Variants in NRCAM observed in about 807,000 individuals in gnomAD.
NRCAM encodes NgCAM-related cell adhesion molecule.
In NRCAM, 83 loss-of-function variants were observed where a neutral mutation model predicts 156.5. The ratio of observed to expected loss-of-function variants is 0.53; its 90% CI spans 0.44 to 0.64. NRCAM has a LOEUF of 0.64. Among genes scored for constraint, NRCAM ranks in the 30% least tolerant of loss-of-function variants. NRCAM has a pLI of 0.00. For missense variants in NRCAM, 1,417 were observed against 1,597.3 expected (o/e 0.89, Z 1.92); for synonymous variants, 538 against 563.9 (o/e 0.95, Z 0.65).
intron 2 of NRCAM, among the ~76,000 whole-genome samples, chr7:108,331,158 G>C (rs547707952): frequency 2.6e-5 from 4 of 152,174 alleles, no homozygotes; most frequent in African/African-American, 9.6e-5. Flanking sequence ...CAATACTTTG[G>C]GAGGCCGAGG....
At chr7:108,358,144 A>G (rs955347627) in intron 2 of NRCAM, among the ~76,000 whole-genome samples, 1 of 151,490 alleles carries the variant, frequency 6.6e-6, no homozygotes, top group Admixed American at 6.6e-5. Flanking sequence ...CTGGCGGCTC[A>G]CACCTGTATT....
At chr7:108,322,502 T>C (rs768273356) in intron 2 of NRCAM, among the ~76,000 whole-genome samples, 1 of 152,254 alleles carries the variant, frequency 6.6e-6, no homozygotes, top group African/African-American at 2.4e-5. Context: ...CTGCAAACAC[T>C]GATTTTGTTT....
chr7:108,278,354 T>C (rs1301792303), intron 3 of NRCAM, among the ~76,000 whole-genome samples: 1 of 152,240 alleles, frequency 6.6e-6, no homozygotes, highest in African/African-American at 2.4e-5. Context: ...AGGTGGTATC[T>C]AGAGAGGCAG....
At chr7:108,268,508 C>T (rs1193704542) in intron 3 of NRCAM, among the ~76,000 whole-genome samples, 1 of 151,800 alleles carries the variant, frequency 6.6e-6, no homozygotes, top group Admixed American at 6.6e-5. Flanking sequence ...AACACATGCC[C>T]ACAAAGTATT....
rs779010001 is a variant in NRCAM at position 108,180,420 on chromosome 7, T to C, written c.2654A>G (p.Tyr885Cys). 8.7e-6 allele frequency: 14 copies of C among 1,613,674 alleles called. No homozygotes were observed. The highest frequency in any genetic ancestry group is 3.3e-5 in the Admixed American group (2 of 60,004). Residue 885 changes from tyrosine (Y) to cysteine (C), a missense_variant, in exon 25 of 33, where the codon TAT (tyrosine) becomes TGT (cysteine). By Grantham distance (194) the Tyr-to-Cys change is radical (BLOSUM62 -2). Around this residue, in one of 2 missense-constraint regions of NRCAM, gnomAD observed 1,238 missense variants for 1,336.4 expected, o/e 0.93. Transcript: ENST00000379028. ...TTTAGATGAACTCTGGGTCTTCCAA[T>C]AGTAAATCTGAAACAGCAAGAACGA... ...RGHLQGYRIY[Y>C]WKTQSSSKRN...
rs943071169 is a variant in NRCAM, at chr7:108,208,120, C to G, written c.1076-461G>C. Among the ~76,000 whole-genome samples, 3 of 137,344 alleles carry G rather than the reference C, an allele frequency of 2.2e-5. No homozygotes were observed. The South Asian group carries it at 7.4e-4, about 34-fold the overall frequency. 90.1% of individuals were successfully genotyped at this position (137,344 alleles called of 152,430 possible). A position where few individuals can be genotyped will look rare whatever the true frequency, so the allele number is the denominator to read the frequency against. On this transcript the variant is annotated intron_variant, in intron 12 of 32. Coordinates refer to ENST00000379028, the MANE Select transcript of NRCAM (RefSeq NM_001037132.4). ...ACCAGCCTGGCCGACATGGTAAAACCCTGTTGCTATTAAAAATACAAAAAA... is the reference window on the plus strand; with the variant it reads ...ACCAGCCTGGCCGACATGGTAAAACGCTGTTGCTATTAAAAATACAAAAAA...
At chr7:108,455,974 G>A (rs1234731986) in intron 1 of NRCAM, among the ~76,000 whole-genome samples, 1 of 152,180 alleles carries the variant, frequency 6.6e-6, no homozygotes. Context: ...GGGTGCCGGC[G>A]CTGCTGGATT....
chr7:108,421,114 C>G (rs1262554692), intron 1 of NRCAM, among the ~76,000 whole-genome samples: 1 of 152,100 alleles, frequency 6.6e-6, no homozygotes, highest in Non-Finnish European at 1.5e-5. Context: ...ATGCCTCTAC[C>G]ATGAGCTCAA....
At chr7:108,393,519 C>A (rs1265407319) in intron 2 of NRCAM, among the ~76,000 whole-genome samples, 1 of 152,074 alleles carries the variant, frequency 6.6e-6, no homozygotes, top group Admixed American at 6.5e-5. Flanking sequence ...ATTCCCTGAC[C>A]CCTTGCGCTT....
At position 108,192,004 on chromosome 7, in the gene NRCAM, A is replaced by G. The variant is rs2072038489; in HGVS notation, c.1779-151T>C. The G allele has an allele frequency of 1.2e-5, 10 of 819,318 alleles. No individual in the cohort carries two copies. In the South Asian group the frequency reaches 1.9e-4, roughly 16 times the overall value. 50.8% of individuals were successfully genotyped at this position (819,318 alleles called of 1,614,324 possible). A position where few individuals can be genotyped will look rare whatever the true frequency, so the allele number is the denominator to read the frequency against. On this transcript the variant is annotated intron_variant, in intron 17 of 32. Transcript: ENST00000379028. Reference sequence around the variant, plus strand: ...AGAGCAAAATACATATCACTTTAAGAATGATTAAAGTTGAAAAACAATGAG... The same window carrying G: ...AGAGCAAAATACATATCACTTTAAGGATGATTAAAGTTGAAAAACAATGAG...
intron 1 of NRCAM, among the ~76,000 whole-genome samples, chr7:108,401,112 C>T (rs541482419): frequency 1.3e-5 from 2 of 152,026 alleles, no homozygotes; most frequent in Admixed American, 6.6e-5. Flanking sequence ...AATACAAAAA[C>T]GCCTGTAATC....
At chr7:108,439,606 G>A (rs140211801) in intron 1 of NRCAM, among the ~76,000 whole-genome samples, 1 of 152,202 alleles carries the variant, frequency 6.6e-6, no homozygotes, top group East Asian at 1.9e-4. Context: ...TGTAATCTCA[G>A]CACTTTGGGA....
chr7:108,359,534 C>T (rs1227421239), intron 2 of NRCAM, among the ~76,000 whole-genome samples: 1 of 152,082 alleles, frequency 6.6e-6, no homozygotes, highest in African/African-American at 2.4e-5. Context: ...AAATATGGAA[C>T]ACGTGTGAGA....
intron 3 of NRCAM, among the ~76,000 whole-genome samples, chr7:108,287,355 G>T (rs1563115547): frequency 6.6e-6 from 1 of 151,970 alleles, no homozygotes; most frequent in Non-Finnish European, 1.5e-5. Flanking sequence ...AAAAGCTTCT[G>T]CACAGCAAAA....
intron 3 of NRCAM, among the ~76,000 whole-genome samples, chr7:108,286,902 C>T (rs749655184): frequency 3.9e-4 from 59 of 152,194 alleles, no homozygotes; most frequent in East Asian, 1.9e-4. Flanking sequence ...AAATCCTAAA[C>T]GGGTAATTTT....
chr7:108,167,122 G>A, intron 29 of NRCAM, 49 bp from the exon 30 acceptor site: 3 of 1,466,554 alleles, frequency 2.0e-6, no homozygotes, highest in South Asian at 1.2e-5. Context: ...TAAGGGACCA[G>A]AAGTCACTTA....
intron 2 of NRCAM, among the ~76,000 whole-genome samples, chr7:108,354,113 A>G (rs2099458121): frequency 6.6e-6 from 1 of 152,236 alleles, no homozygotes; most frequent in African/African-American, 2.4e-5. Flanking sequence ...CTAGCTCCCA[A>G]TTCCACTATA....
At chr7:108,176,393 C>T (rs777312097) in intron 27 of NRCAM, 37 bp downstream of exon 27, 3 of 1,564,848 alleles carry the variant, frequency 1.9e-6, no homozygotes, top group African/African-American at 2.7e-5. Flanking sequence ...TTTCATGATG[C>T]TTATAATTAT....
At chr7:108,287,553 C>G (rs773015743) in intron 3 of NRCAM, among the ~76,000 whole-genome samples, 15 of 151,896 alleles carry the variant, frequency 9.9e-5, no homozygotes, top group African/African-American at 2.9e-4. Context: ...AGAAGACATA[C>G]AAGTGGCCAA....
Sources: gnomAD v4.1 joint callset for allele counts (sites outside exome capture counted in the v4.1 genomes callset) on GRCh38, gnomAD v4.1.1 for gene constraint, gnomAD v4.1.1 regional missense constraint, MANE v1.5 for transcripts, NCBI Gene and HGNC (gene_info 2026-07-23, HGNC 2026-07-21) for gene names.